EMCN: variants seen among roughly 807,000 people sequenced by gnomAD.
The protein encoded by EMCN is endomucin, also known as MUC-14.
A neutral mutation model predicts 38.4 loss-of-function variants in EMCN; 37 were observed. That is an observed-to-expected ratio of 0.96 (90% CI 0.74 to 1.27). EMCN has a LOEUF of 1.27. Ranked by LOEUF, EMCN falls within the 50% of genes most tolerant of loss-of-function variation. The pLI is 0.00. For synonymous variants in EMCN, 95 were observed against 100.8 expected (o/e 0.94, Z 0.35); for missense variants, 318 against 302.8 (o/e 1.05, Z -0.37).
intron 5 of EMCN, among the ~76,000 whole-genome samples, chr4:100,428,505 G>T (rs904359382): frequency 2.6e-5 from 4 of 151,792 alleles, no homozygotes; most frequent in Admixed American, 2.0e-4. Context: ...ATTTTATTGG[G>T]TATAGTTTAC....
chr4:100,460,478 C>G (rs984263281), intron 4 of EMCN, among the ~76,000 whole-genome samples: 2 of 152,056 alleles, frequency 1.3e-5, no homozygotes, highest in Non-Finnish European at 2.9e-5. Context: ...GCAGGGGAGG[C>G]GTCACAATCA....
chr4:100,403,189 A>G (rs1218134592), intron 11 of EMCN, among the ~76,000 whole-genome samples: 1 of 152,114 alleles, frequency 6.6e-6, no homozygotes, highest in Admixed American at 6.6e-5. Flanking sequence ...TGTAATTGGC[A>G]TAATACCAAA....
chr4:100,421,018 CT>C (rs1376330659), intron 8 of EMCN, among the ~76,000 whole-genome samples: 1 of 151,972 alleles, frequency 6.6e-6, no homozygotes, highest in East Asian at 1.9e-4. Flanking sequence ...TCATATTCCC[CT>C]GACCACCCAT....
chr4:100,462,365 C>G (rs1400317372), intron 4 of EMCN, among the ~76,000 whole-genome samples: 2 of 152,132 alleles, frequency 1.3e-5, no homozygotes, highest in African/African-American at 4.8e-5. Context: ...AGAGAGCATT[C>G]TACTTCATGA....
intron 1 of EMCN, among the ~76,000 whole-genome samples, chr4:100,484,704 C>T (rs1321525017): frequency 6.6e-6 from 1 of 152,054 alleles, no homozygotes; most frequent in East Asian, 1.9e-4. Context: ...TCTTCTAGAT[C>T]AACATAAACA....
chr4:100,466,502 A>T (rs1452388275), intron 3 of EMCN, among the ~76,000 whole-genome samples: 1 of 152,270 alleles, frequency 6.6e-6, no homozygotes, highest in African/African-American at 2.4e-5. Flanking sequence ...CTTCATAGAC[A>T]GTAGATAAAT....
intron 11 of EMCN, among the ~76,000 whole-genome samples, chr4:100,402,269 T>C (rs535042467): frequency 1.2e-4 from 18 of 152,264 alleles, no homozygotes; most frequent in Middle Eastern, 3.4e-3. Flanking sequence ...ATGATCAATA[T>C]ATGAAGCAAC....
intron 1 of EMCN, among the ~76,000 whole-genome samples, chr4:100,503,412 G>T (rs1033704837): frequency 6.6e-6 from 1 of 152,022 alleles, no homozygotes; most frequent in Admixed American, 6.6e-5. Flanking sequence ...GGCACAATTT[G>T]CAGTAGTATT....
chr4:100,423,581 G>T (rs1317366940), intron 5 of EMCN, among the ~76,000 whole-genome samples, 177 bp from the exon 6 acceptor site: 1 of 152,122 alleles, frequency 6.6e-6, no homozygotes, highest in Non-Finnish European at 1.5e-5. Flanking sequence ...CTCCTGGAAA[G>T]ATAATTAAAT....
intron 8 of EMCN, 137 bp downstream of exon 8, chr4:100,421,145 C>T (rs1257133603): frequency 2.5e-6 from 2 of 795,664 alleles, no homozygotes; most frequent in Admixed American, 2.5e-5. Flanking sequence ...TGCCCTTCGT[C>T]CTTTGTTTCT....
chr4:100,493,893 A>G (rs1372739297), intron 1 of EMCN, among the ~76,000 whole-genome samples: 1 of 152,242 alleles, frequency 6.6e-6, no homozygotes, highest in East Asian at 1.9e-4. Context: ...CCCTGCAAAT[A>G]GTCAGAGACT....
intron 5 of EMCN, among the ~76,000 whole-genome samples, chr4:100,432,400 G>A (rs1360310008): frequency 6.6e-6 from 1 of 152,056 alleles, no homozygotes; most frequent in Non-Finnish European, 1.5e-5. Context: ...ATACCTACAT[G>A]ACTACTAGAA....
intron 5 of EMCN, among the ~76,000 whole-genome samples, chr4:100,431,986 C>CA (rs1727217540): frequency 6.6e-6 from 1 of 152,068 alleles, no homozygotes; most frequent in African/African-American, 2.4e-5. Context: ...TCAATGAAAT[C>CA]AAAAGGTTCA....
chr4:100,463,927 T>C (rs139532321), intron 4 of EMCN, among the ~76,000 whole-genome samples: 1 of 152,272 alleles, frequency 6.6e-6, no homozygotes, highest in Non-Finnish European at 1.5e-5. Flanking sequence ...TCTAGGGTCA[T>C]CTTATCAATT....
At chr4:100,428,247 C>T (rs13125427) in intron 5 of EMCN, among the ~76,000 whole-genome samples, 18,765 of 152,136 alleles carry the variant, frequency 0.12, 1,369 homozygotes, top group Middle Eastern at 0.17. Flanking sequence ...GTCCTTTAAA[C>T]ATGCCAGGCC....
chr4:100,511,680 G>C (rs1047871156), intron 1 of EMCN, among the ~76,000 whole-genome samples: 1 of 152,126 alleles, frequency 6.6e-6, no homozygotes, highest in Non-Finnish European at 1.5e-5. Flanking sequence ...AAGAAGGGTA[G>C]TACATATTAA....
At chr4:100,493,516 T>C (rs541523280) in intron 1 of EMCN, among the ~76,000 whole-genome samples, 6 of 152,300 alleles carry the variant, frequency 3.9e-5, no homozygotes, top group African/African-American at 1.4e-4. Context: ...CCAGGGATCT[T>C]TGAATCCATA....
At chr4:100,508,749 T>A (rs1187244852) in intron 1 of EMCN, among the ~76,000 whole-genome samples, 1 of 152,212 alleles carries the variant, frequency 6.6e-6, no homozygotes, top group Non-Finnish European at 1.5e-5. Context: ...CTAATTTTTG[T>A]ATATGTGAGC....
At chr4:100,410,228 G>C in intron 11 of EMCN, 54 bp downstream of exon 11, 1 of 1,209,768 alleles carries the variant, frequency 8.3e-7, no homozygotes, top group Non-Finnish European at 1.2e-6. Flanking sequence ...GCTGCACCAG[G>C]CTAACAAAAC....
Sources: gnomAD v4.1 joint callset for allele counts (sites outside exome capture counted in the v4.1 genomes callset) on GRCh38, gnomAD v4.1.1 for gene constraint, MANE v1.5 for transcripts, NCBI Gene and HGNC (gene_info 2026-07-23, HGNC 2026-07-21) for gene names.